Variants in NKAIN2 observed in about 807,000 individuals in gnomAD.
The protein encoded by NKAIN2 is sodium/potassium transporting ATPase interacting 2, also known as sodium/potassium-transporting ATPase subunit beta-1-interacting protein 2.
A neutral mutation model predicts 32.6 loss-of-function variants in NKAIN2; 14 were observed. The observed-to-expected ratio is 0.43, with a 90% CI of 0.28 to 0.67. The LOEUF (loss-of-function observed/expected upper bound fraction) is 0.67, where lower values mean the gene tolerates loss of function less well. Among genes scored for constraint, NKAIN2 ranks in the 30% least tolerant of loss-of-function variants. The probability of loss-of-function intolerance (pLI) is 0.17; values close to 1 mark genes in which losing one functional copy is unlikely to be tolerated. For missense variants in NKAIN2, 198 were observed against 258.3 expected, an observed-to-expected ratio of 0.77 and a Z score of 1.60; for synonymous variants, 80 against 87.2, an observed-to-expected ratio of 0.92 and a Z score of 0.46.
In NKAIN2 at chr6:124,467,947, T is replaced by C. The variant is rs56178481; in HGVS notation, c.273+112600T>C. Among the ~76,000 whole-genome samples, 1,459 of 152,204 alleles carry C rather than the reference T, an allele frequency of 9.6e-3. 21 individuals are homozygous for C. The highest frequency in any genetic ancestry group is 0.033 in the African/African-American group (1,389 of 41,542). Reference sequence around the variant, plus strand: ...TTAACTTATTTAAATTTCAGTTTCTTCAAGTATATGTTTGGGGTAATAGAA... The same window carrying C: ...TTAACTTATTTAAATTTCAGTTTCTCCAAGTATATGTTTGGGGTAATAGAA... On this transcript the variant is annotated intron_variant, in intron 3 of 6. Transcript: ENST00000368417.
chr6:124,770,680 C>A (rs1469575594), intron 4 of NKAIN2, among the ~76,000 whole-genome samples: 1 of 152,036 alleles, frequency 6.6e-6, no homozygotes. Flanking sequence ...CTCTTATTAA[C>A]GATGCTCTGA....
intron 1 of NKAIN2, among the ~76,000 whole-genome samples, chr6:124,252,109 T>A (rs1257749576): frequency 6.6e-6 from 1 of 152,078 alleles, no homozygotes; most frequent in East Asian, 1.9e-4. Flanking sequence ...TGCAACAGCA[T>A]GTGTGCAGGT....
At chr6:124,437,894 T>TTTTTTTTTA in intron 3 of NKAIN2, 1 of 411,284 alleles carries the variant, frequency 2.4e-6, no homozygotes, top group South Asian at 1.8e-5. Context: ...TTTTTTTTCT[T>TTTTTTTTTA]AACCCCAGGT....
intron 6 of NKAIN2, among the ~76,000 whole-genome samples, chr6:124,822,652 A>G (rs1369782748): frequency 6.6e-6 from 1 of 152,216 alleles, no homozygotes; most frequent in Non-Finnish European, 1.5e-5. Context: ...CTAACCTAAA[A>G]AGGAAAGATT....
intron 3 of NKAIN2, among the ~76,000 whole-genome samples, chr6:124,507,278 G>A (rs1387631326): frequency 1.3e-5 from 2 of 152,142 alleles, no homozygotes; most frequent in Admixed American, 6.5e-5. Context: ...TGATGTGTGA[G>A]ATAAAGATCT....
chr6:124,420,444 A>G (rs1774695375), intron 3 of NKAIN2, among the ~76,000 whole-genome samples: 1 of 152,174 alleles, frequency 6.6e-6, no homozygotes, highest in Admixed American at 6.5e-5. Flanking sequence ...AAAATTACTC[A>G]CACTACCTGC....
chr6:124,741,426 A>G (rs531212068), intron 4 of NKAIN2, among the ~76,000 whole-genome samples: 25 of 152,042 alleles, frequency 1.6e-4, no homozygotes, highest in Non-Finnish European at 2.9e-4. Context: ...TCGATTTTAT[A>G]GAAACTACAA....
In NKAIN2 at chr6:124,396,439, A is replaced by AAAG. The variant is rs1375837130; in HGVS notation, c.273+41094_273+41095insGAA. Reference sequence around the variant, plus strand: ...ACCTGCTATTTGATTAAAAAAAAAAAAAAGAAAAGAAAAAAAGAGATTCAA... The same window carrying AAAG: ...ACCTGCTATTTGATTAAAAAAAAAAAAAGAAAGAAAAGAAAAAAAGAGATTCAA... On this transcript the variant is annotated intron_variant, in intron 3 of 6. Transcript: ENST00000368417. Among the ~76,000 whole-genome samples, 5 of 151,392 alleles carry AAAG rather than the reference A, an allele frequency of 3.3e-5. No individual in the cohort carries two copies. In the East Asian group the frequency reaches 9.7e-4, roughly 29 times the overall value.
intron 1 of NKAIN2, among the ~76,000 whole-genome samples, chr6:123,876,455 T>A (rs570046042): frequency 6.6e-6 from 1 of 152,072 alleles, no homozygotes; most frequent in Non-Finnish European, 1.5e-5. Context: ...TATATATACA[T>A]ACACACACAC....
At chr6:124,651,592 C>T (rs529816456) in intron 3 of NKAIN2, among the ~76,000 whole-genome samples, 42 of 152,162 alleles carry the variant, frequency 2.8e-4, no homozygotes, top group Non-Finnish European at 3.7e-4. Context: ...AACAGTGGCC[C>T]GAGCTGTACT....
chr6:123,930,414 A>G (rs112141853), intron 1 of NKAIN2, among the ~76,000 whole-genome samples: 84 of 152,142 alleles, frequency 5.5e-4, no homozygotes, highest in Non-Finnish European at 8.7e-4. Context: ...AGAACATATG[A>G]TAATCTTGCC....
chr6:123,863,222 A>G (rs976673011), intron 1 of NKAIN2, among the ~76,000 whole-genome samples: 1 of 152,202 alleles, frequency 6.6e-6, no homozygotes, highest in African/African-American at 2.4e-5. Context: ...ATTAAATGAT[A>G]TAGATTTTAG....
At chr6:123,920,495 C>T (rs9401711) in intron 1 of NKAIN2, among the ~76,000 whole-genome samples, 7,380 of 151,982 alleles carry the variant, frequency 0.049, 410 homozygotes, top group African/African-American at 0.12. Context: ...TAAATAGCTC[C>T]CACCCTTCCA....
At chr6:124,759,617 A>ACC (rs1211766416) in intron 4 of NKAIN2, among the ~76,000 whole-genome samples, 2 of 123,382 alleles carry the variant, frequency 1.6e-5, no homozygotes, top group Non-Finnish European at 3.5e-5. Context: ...ACACACACAC[A>ACC]CACACACACA....
intron 1 of NKAIN2, among the ~76,000 whole-genome samples, chr6:124,170,468 G>A (rs1383036594): frequency 3.3e-5 from 5 of 152,186 alleles, no homozygotes; most frequent in African/African-American, 4.8e-5. Flanking sequence ...TATCTCTGAT[G>A]TATGGCAAAA....
chr6:124,676,422 T>C (rs996560950), intron 4 of NKAIN2, among the ~76,000 whole-genome samples: 1 of 152,208 alleles, frequency 6.6e-6, no homozygotes, highest in Non-Finnish European at 1.5e-5. Context: ...ATGTGGGGTA[T>C]TGAAATCTCC....
chr6:124,314,214 C>G (rs778441008), intron 2 of NKAIN2, among the ~76,000 whole-genome samples: 3 of 152,044 alleles, frequency 2.0e-5, no homozygotes, highest in Non-Finnish European at 4.4e-5. Context: ...TCCTCAACAT[C>G]CATTACATAC....
chr6:124,312,332 G>A (rs568569346), intron 2 of NKAIN2, among the ~76,000 whole-genome samples: 53 of 152,190 alleles, frequency 3.5e-4, no homozygotes, highest in Non-Finnish European at 5.1e-4. Flanking sequence ...TGGAGATAGC[G>A]TCAGATCCCA....
intron 1 of NKAIN2, among the ~76,000 whole-genome samples, chr6:123,951,851 T>C (rs1186157563): frequency 6.6e-6 from 1 of 151,960 alleles, no homozygotes; most frequent in Non-Finnish European, 1.5e-5. Flanking sequence ...TGTTGATTTA[T>C]GGTTATTTTA....
Sources: gnomAD v4.1 joint callset for allele counts (sites outside exome capture counted in the v4.1 genomes callset) on GRCh38, gnomAD v4.1.1 for gene constraint, MANE v1.5 for transcripts, NCBI Gene and HGNC (gene_info 2026-07-23, HGNC 2026-07-21) for gene names.